Variants in AK8 observed in about 807,000 individuals in gnomAD.
AK8 encodes ATP-AMP transphosphorylase 8.
A neutral mutation model predicts 54.6 loss-of-function variants in AK8; 44 were observed. The observed-to-expected ratio is 0.81, with a 90% CI of 0.63 to 1.04. The LOEUF (loss-of-function observed/expected upper bound fraction) is 1.04, where lower values mean the gene tolerates loss of function less well. AK8 is among the 50% of genes least tolerant of loss of function. AK8 has a pLI of 0.00. For missense variants in AK8, 555 were observed against 613.6 expected (o/e 0.90, Z 1.01); for synonymous variants, 239 against 245.6 (o/e 0.97, Z 0.25).
intron 11 of AK8, among the ~76,000 whole-genome samples, chr9:132,776,988 G>A (rs1839248476): frequency 6.6e-6 from 1 of 152,048 alleles, no homozygotes; most frequent in Admixed American, 6.5e-5. Context: ...TGGTTCCATG[G>A]GGGTCTCAGA....
chr9:132,729,257 C>A (rs1167090418), intron 11 of AK8, among the ~76,000 whole-genome samples: 1 of 152,210 alleles, frequency 6.6e-6, no homozygotes, highest in Admixed American at 6.5e-5. Context: ...GGCAAAATGT[C>A]TGGAGACATG....
intron 5 of AK8, among the ~76,000 whole-genome samples, chr9:132,849,946 C>T (rs1042831176): frequency 4.6e-5 from 7 of 151,988 alleles, no homozygotes; most frequent in Admixed American, 3.3e-4. Context: ...AGGGTTTCAC[C>T]ATGTTGGCCA....
chr9:132,877,735 G>A (rs1347652966), intron 1 of AK8: 1 of 412,314 alleles, frequency 2.4e-6, no homozygotes, highest in Admixed American at 2.7e-5. Context: ...GCTTGAACTC[G>A]GACAATGCCC....
rs1843345701 is a variant in AK8 at position 132,860,558 on chromosome 9, C to G, written c.333+3107G>C. Among the ~76,000 whole-genome samples the G allele has an allele frequency of 6.6e-6, 1 of 152,192 alleles. No homozygotes were observed. The highest frequency in any genetic ancestry group is 1.5e-5 in the Non-Finnish European group (1 of 68,034). ...GCTGCTGCTGGGGAGCTGGAGGTGTCTCTCTAGAGGTGGGCATTCTACAGG... is the reference window on the plus strand; with the variant it reads ...GCTGCTGCTGGGGAGCTGGAGGTGTGTCTCTAGAGGTGGGCATTCTACAGG... On this transcript the variant is annotated intron_variant, in intron 4 of 12. Transcript: ENST00000298545. The surrounding 1 kb of genome is among the most constrained non-coding windows in gnomAD (Gnocchi z 4.4).
At chr9:132,793,452 G>A (rs569070505) in intron 10 of AK8, among the ~76,000 whole-genome samples, 52 of 152,320 alleles carry the variant, frequency 3.4e-4, no homozygotes, top group Non-Finnish European at 6.5e-4. Context: ...TGCAGTTTCA[G>A]TTTTCCTCAA....
chr9:132,745,444 T>C (rs1837601717), intron 11 of AK8, among the ~76,000 whole-genome samples: 1 of 152,152 alleles, frequency 6.6e-6, no homozygotes, highest in African/African-American at 2.4e-5. Context: ...GGCTGTAATG[T>C]GGAGAAGGCG....
At chr9:132,745,201 A>G (rs1837585116) in intron 11 of AK8, among the ~76,000 whole-genome samples, 1 of 152,220 alleles carries the variant, frequency 6.6e-6, no homozygotes, top group South Asian at 2.1e-4. Flanking sequence ...CAGGCGATTA[A>G]ATTATAATGC....
At chr9:132,869,209 T>TTATC (rs374310671) in intron 2 of AK8, among the ~76,000 whole-genome samples, 17 of 152,256 alleles carry the variant, frequency 1.1e-4, no homozygotes, top group South Asian at 2.1e-4. Context: ...CTATGTCTAT[T>TTATC]TATCTATCTA....
intron 11 of AK8, among the ~76,000 whole-genome samples, chr9:132,772,096 A>G (rs1293036457): frequency 2.0e-5 from 3 of 152,164 alleles, no homozygotes; most frequent in South Asian, 4.1e-4. Context: ...TCCCTCCCAC[A>G]ACACGTGGGA....
chr9:132,853,238 AT>A (rs1843038501), intron 5 of AK8, among the ~76,000 whole-genome samples: 1 of 151,666 alleles, frequency 6.6e-6, no homozygotes. Context: ...CATGCCTGTA[AT>A]CCCAGCTACT....
At chr9:132,832,107 A>G (rs1307692559) in intron 5 of AK8, among the ~76,000 whole-genome samples, 3 of 142,110 alleles carry the variant, frequency 2.1e-5, no homozygotes, top group Non-Finnish European at 4.5e-5. Context: ...CATTTCTTCC[A>G]TATTAAAATA....
intron 10 of AK8, among the ~76,000 whole-genome samples, chr9:132,806,980 A>G (rs1465291356): frequency 6.6e-6 from 1 of 152,148 alleles, no homozygotes; most frequent in Non-Finnish European, 1.5e-5. Context: ...AAATGTAGGG[A>G]TGTGTGGGAG....
intron 10 of AK8, among the ~76,000 whole-genome samples, chr9:132,805,236 T>C (rs1306025904): frequency 1.3e-5 from 2 of 152,214 alleles, no homozygotes; most frequent in Admixed American, 1.3e-4. Context: ...AGGATGACTC[T>C]GTGCACTCCG....
intron 11 of AK8, among the ~76,000 whole-genome samples, chr9:132,732,774 A>G (rs1034348425): frequency 2.6e-5 from 4 of 152,058 alleles, no homozygotes; most frequent in Non-Finnish European, 5.9e-5. Context: ...AGGCACATGA[A>G]TATGTATATA....
At chr9:132,828,854 G>A in intron 5 of AK8, 128 bp from the exon 6 acceptor site, 1 of 578,442 alleles carries the variant, frequency 1.7e-6, no homozygotes, top group Non-Finnish European at 2.9e-6. Context: ...GTTTCTGATA[G>A]CTACCTCACC....
chr9:132,807,186 G>A (rs1840763529), intron 10 of AK8, among the ~76,000 whole-genome samples: 1 of 152,032 alleles, frequency 6.6e-6, no homozygotes, highest in African/African-American at 2.4e-5. Flanking sequence ...GTTGGGAGAT[G>A]CTGGGGGGGG....
chr9:132,840,632 C>T (rs1458812645), intron 5 of AK8, among the ~76,000 whole-genome samples: 2 of 152,204 alleles, frequency 1.3e-5, no homozygotes, highest in African/African-American at 4.8e-5. Context: ...GTGGCTCATG[C>T]CTGTAATCCC....
At chr9:132,744,234 T>C (rs1837532464) in intron 11 of AK8, among the ~76,000 whole-genome samples, 1 of 152,078 alleles carries the variant, frequency 6.6e-6, no homozygotes. Flanking sequence ...TCGTCCCCAA[T>C]CACAGCTGCC....
At chr9:132,868,047 T>C (rs1200784528) in intron 2 of AK8, among the ~76,000 whole-genome samples, 1 of 152,178 alleles carries the variant, frequency 6.6e-6, no homozygotes, top group African/African-American at 2.4e-5. Flanking sequence ...GTCCCTCTCC[T>C]TGTGGGAAGC....
Sources: allele counts gnomAD v4.1 joint callset (sites outside exome capture counted in the v4.1 genomes callset), GRCh38; gene constraint gnomAD v4.1.1; non-coding constraint Gnocchi (gnomAD v3.1); transcripts MANE v1.5; gene names NCBI Gene and HGNC (gene_info 2026-07-23, HGNC 2026-07-21).